Variants in UTRN observed in about 807,000 individuals in gnomAD.
The protein encoded by UTRN is utrophin.
In UTRN, 283 loss-of-function variants were observed where a neutral mutation model predicts 463.9. The ratio of observed to expected loss-of-function variants is 0.61; its 90% CI spans 0.55 to 0.67. UTRN has a LOEUF of 0.67. UTRN is among the 30% of genes least tolerant of loss of function. The pLI, the probability that UTRN is intolerant of heterozygous loss-of-function variation, is 0.00. For synonymous variants in UTRN, 1,442 were observed against 1,431.5 expected (o/e 1.01, Z -0.17); for missense variants, 3,922 against 4,084.3 (o/e 0.96, Z 1.08).
chr6:144,545,801 C>T (rs1462339815), intron 46 of UTRN, among the ~76,000 whole-genome samples: 3 of 152,184 alleles, frequency 2.0e-5, no homozygotes, highest in African/African-American at 7.2e-5. Flanking sequence ...GGGTGGATCA[C>T]CTGAGGTCAG....
Position 144,828,574 on chromosome 6 carries a change from A to G in UTRN, c.9600-216A>G, listed in dbSNP as rs2297848. Among the ~76,000 whole-genome samples the G allele has an allele frequency of 0.062, 9,390 of 152,262 alleles. 296 individuals are homozygous for G. The highest frequency in any genetic ancestry group is 0.1 in the Middle Eastern group (30 of 294). On this transcript the variant is annotated intron_variant, in intron 68 of 74. Coordinates refer to ENST00000367545, the MANE Select transcript of UTRN (RefSeq NM_007124.3). ...GATTAGGTCAGTTAGGAGACTTTAC[A>G]ACATGGCGTAAGATAAAGGCCTACA...
intron 53 of UTRN, chr6:144,708,467 C>T (rs562564407): frequency 4.1e-5 from 24 of 582,604 alleles, no homozygotes; most frequent in Non-Finnish European, 4.3e-5. Flanking sequence ...TGACTCCTCA[C>T]GCCTTCATCC....
chr6:144,498,957 G>A (rs1793927451), intron 33 of UTRN, among the ~76,000 whole-genome samples: 1 of 152,094 alleles, frequency 6.6e-6, no homozygotes, highest in Non-Finnish European at 1.5e-5. Context: ...ATAGACATGA[G>A]CCACTGTGCC....
intron 51 of UTRN, among the ~76,000 whole-genome samples, chr6:144,670,130 T>C (rs991108403): frequency 3.3e-5 from 5 of 152,276 alleles, no homozygotes; most frequent in Non-Finnish European, 2.9e-5. Flanking sequence ...CTTCTTTTCT[T>C]CTGGGAAGAT....
At chr6:144,657,721 C>A (rs970530230) in intron 51 of UTRN, among the ~76,000 whole-genome samples, 1 of 152,148 alleles carries the variant, frequency 6.6e-6, no homozygotes, top group East Asian at 1.9e-4. Context: ...TGTTGTTCCA[C>A]GGAGTTTTTG....
chr6:144,696,631 C>T (rs951457933), intron 52 of UTRN, among the ~76,000 whole-genome samples: 1 of 151,854 alleles, frequency 6.6e-6, no homozygotes, highest in Non-Finnish European at 1.5e-5. Flanking sequence ...TCATTATAAC[C>T]CAATTTATAG....
intron 53 of UTRN, among the ~76,000 whole-genome samples, chr6:144,714,850 T>C (rs1202871333): frequency 4.6e-5 from 7 of 152,164 alleles, no homozygotes; most frequent in African/African-American, 1.7e-4. Flanking sequence ...ACCTCACCTT[T>C]CCTGCTGACT....
chr6:144,806,024 T>G (rs1778117986), intron 65 of UTRN, among the ~76,000 whole-genome samples: 2 of 152,216 alleles, frequency 1.3e-5, no homozygotes, highest in Non-Finnish European at 2.9e-5. Flanking sequence ...TTTAGAAAAC[T>G]GATTATAAAA....
At chr6:144,656,973 GGGTGT>G (rs1417997504) in intron 51 of UTRN, among the ~76,000 whole-genome samples, 2 of 152,172 alleles carry the variant, frequency 1.3e-5, no homozygotes, top group Non-Finnish European at 2.9e-5. Context: ...GCCATCAGCT[GGGTGT>G]AGTGGCTTAC....
intron 60 of UTRN, among the ~76,000 whole-genome samples, chr6:144,774,997 C>A (rs1775193008): frequency 6.6e-6 from 1 of 152,094 alleles, no homozygotes; most frequent in Non-Finnish European, 1.5e-5. Flanking sequence ...TATCTGGATT[C>A]TATTTGTGGT....
chr6:144,390,798 T>C (rs564120752), intron 2 of UTRN, among the ~76,000 whole-genome samples: 2 of 152,326 alleles, frequency 1.3e-5, no homozygotes, highest in Admixed American at 1.3e-4. Flanking sequence ...TATGAATGTA[T>C]CTGTACCTGA....
At chr6:144,671,659 T>C (rs1781047032) in intron 51 of UTRN, among the ~76,000 whole-genome samples, 1 of 152,146 alleles carries the variant, frequency 6.6e-6, no homozygotes, top group African/African-American at 2.4e-5. Flanking sequence ...TTCTTTCTCT[T>C]GTCTGATTGC....
At chr6:144,383,705 A>G (rs1026964980) in intron 2 of UTRN, among the ~76,000 whole-genome samples, 1 of 152,230 alleles carries the variant, frequency 6.6e-6, no homozygotes, top group African/African-American at 2.4e-5. Context: ...AATGGGATTA[A>G]TCTTGTAAGT....
At chr6:144,833,860 T>C (rs574408949) in intron 69 of UTRN, among the ~76,000 whole-genome samples, 3 of 152,190 alleles carry the variant, frequency 2.0e-5, no homozygotes, top group Non-Finnish European at 1.5e-5. Flanking sequence ...TTACTTCCTA[T>C]GAGGAAAATA....
At chr6:144,648,249 C>A (rs1355375896) in intron 51 of UTRN, among the ~76,000 whole-genome samples, 1 of 152,078 alleles carries the variant, frequency 6.6e-6, no homozygotes, top group Non-Finnish European at 1.5e-5. Context: ...AGTGAAAATA[C>A]ACCACTCATT....
At chr6:144,426,013 CCAAA>C (rs1308952196) in intron 6 of UTRN, among the ~76,000 whole-genome samples, 5 of 152,032 alleles carry the variant, frequency 3.3e-5, no homozygotes, top group Non-Finnish European at 5.9e-5. Flanking sequence ...TTCATTGTAA[CCAAA>C]CATAGTACAA....
intron 65 of UTRN, among the ~76,000 whole-genome samples, chr6:144,807,453 A>G (rs895693819): frequency 6.6e-6 from 1 of 152,110 alleles, no homozygotes; most frequent in Non-Finnish European, 1.5e-5. Flanking sequence ...TCTCTAGGAA[A>G]TGATTTTTTG....
chr6:144,829,575 A>C (rs1465173442), intron 69 of UTRN, among the ~76,000 whole-genome samples: 1 of 151,852 alleles, frequency 6.6e-6, no homozygotes, highest in Non-Finnish European at 1.5e-5. Flanking sequence ...TCACATTTTT[A>C]ATCCTGAATA....
At chr6:144,700,693 A>G (rs1483118927) in intron 53 of UTRN, among the ~76,000 whole-genome samples, 1 of 151,462 alleles carries the variant, frequency 6.6e-6, no homozygotes, top group Non-Finnish European at 1.5e-5. Flanking sequence ...TCAGTCTCCC[A>G]AGTAGCTGGG....
Sources: gnomAD v4.1 joint callset for allele counts (sites outside exome capture counted in the v4.1 genomes callset) on GRCh38, gnomAD v4.1.1 for gene constraint, MANE v1.5 for transcripts, NCBI Gene and HGNC (gene_info 2026-07-23, HGNC 2026-07-21) for gene names.